The following EFNA5 variants were observed in gnomAD, a reference collection of about 807,000 sequenced individuals.
EFNA5 encodes the protein ephrin A5, also known as ephrin-A5.
In EFNA5, 5 loss-of-function variants were observed where a neutral mutation model predicts 22.9. That is an observed-to-expected ratio of 0.22 (90% CI 0.11 to 0.46). The LOEUF is 0.46. Ranked by LOEUF, EFNA5 falls within the 20% of genes least tolerant of loss-of-function variation. The pLI, the probability that EFNA5 is intolerant of heterozygous loss-of-function variation, is 0.99. For synonymous variants in EFNA5, 113 were observed against 112.2 expected (o/e 1.01, Z -0.04); for missense variants, 237 against 293.3 (o/e 0.81, Z 1.40).
chr5:107,509,577 C>T (rs930864912), intron 1 of EFNA5, among the ~76,000 whole-genome samples: 5 of 151,602 alleles, frequency 3.3e-5, no homozygotes, highest in Non-Finnish European at 5.9e-5. Context: ...GTGATCCGCC[C>T]GCCTTGGCCT....
Position 107,381,161 on chromosome 5 carries a change from A to G in EFNA5, c.*94T>C, listed in dbSNP as rs530360683. The G allele has an allele frequency of 1.1e-5, 16 of 1,476,728 alleles. No individual in the cohort carries two copies. In the South Asian group the frequency reaches 1.4e-4, roughly 13 times the overall value. 91.5% of individuals were successfully genotyped at this position (1,476,728 alleles called of 1,614,324 possible). Reference sequence around the variant, plus strand: ...AAAATCTGACATCTGCCAAAACCCAATAACAAGTCCCTTCTTAGGATGAGC... The same window carrying G: ...AAAATCTGACATCTGCCAAAACCCAGTAACAAGTCCCTTCTTAGGATGAGC... On this transcript the variant is annotated 3_prime_UTR_variant, in exon 5 of 5. Transcript: ENST00000333274.
chr5:107,484,695 G>T (rs757816659), intron 1 of EFNA5, among the ~76,000 whole-genome samples: 5 of 152,166 alleles, frequency 3.3e-5, no homozygotes, highest in Non-Finnish European at 7.3e-5. Flanking sequence ...AATTAAATAG[G>T]ATGGTGGTGA....
chr5:107,387,533 C>A (rs1747660580), intron 3 of EFNA5, among the ~76,000 whole-genome samples, 173 bp downstream of exon 3: 2 of 152,032 alleles, frequency 1.3e-5, no homozygotes, highest in Admixed American at 6.5e-5. Context: ...TAAGTAAAAG[C>A]ATCATGAAGA....
intron 1 of EFNA5, among the ~76,000 whole-genome samples, chr5:107,547,657 A>C (rs1055560556): frequency 3.3e-5 from 5 of 152,044 alleles, no homozygotes; most frequent in African/African-American, 1.2e-4. Context: ...AAAGACATTA[A>C]GTAGATTATA....
At chr5:107,389,373 C>G (rs537938819) in intron 2 of EFNA5, among the ~76,000 whole-genome samples, 1 of 152,270 alleles carries the variant, frequency 6.6e-6, no homozygotes, top group Admixed American at 6.5e-5. Flanking sequence ...ATAGGTGACT[C>G]CAATTCATTA....
At chr5:107,613,605 G>A (rs1008278463) in intron 1 of EFNA5, among the ~76,000 whole-genome samples, 1 of 152,002 alleles carries the variant, frequency 6.6e-6, no homozygotes, top group African/African-American at 2.4e-5. Context: ...AGTGCACCTT[G>A]AAGGAAATCA....
intron 1 of EFNA5, among the ~76,000 whole-genome samples, chr5:107,521,456 C>CTATATATATATA (rs56039409): frequency 2.0e-4 from 25 of 124,414 alleles, no homozygotes; most frequent in African/African-American, 7.6e-4. Context: ...CCACACCTGG[C>CTATATATATATA]TATATATATA....
chr5:107,570,054 C>T (rs1748761855), intron 1 of EFNA5, among the ~76,000 whole-genome samples: 1 of 152,118 alleles, frequency 6.6e-6, no homozygotes. Flanking sequence ...CCAAGACCTA[C>T]TTAAAAGCTG....
intron 1 of EFNA5, among the ~76,000 whole-genome samples, chr5:107,498,232 A>G (rs1424224616): frequency 3.9e-5 from 6 of 152,346 alleles, no homozygotes; most frequent in Admixed American, 3.3e-4. Context: ...TTATCTTTAT[A>G]TGGTACAGTG....
intron 1 of EFNA5, among the ~76,000 whole-genome samples, chr5:107,604,772 C>T (rs993726697): frequency 6.6e-6 from 1 of 152,046 alleles, no homozygotes; most frequent in Non-Finnish European, 1.5e-5. Context: ...AATGTTTAAG[C>T]GCCCTACATG....
rs367723299 is a variant in EFNA5, at chr5:107,471,603, C to T, written c.126-44094G>A. 9.2e-5 allele frequency among the ~76,000 whole-genome samples: 14 copies of T among 152,238 alleles called. No homozygotes were observed. The East Asian group carries it at 9.6e-4, about 10-fold the overall frequency. ...GTCAGTTGATGATAGAAACATTAAT[C>T]CTCCAACTGAATAATGTAGCCTGGA... On this transcript the variant is annotated intron_variant, in intron 1 of 4. Coordinates refer to ENST00000333274, the MANE Select transcript of EFNA5 (RefSeq NM_001962.3).
chr5:107,491,600 C>T (rs561696467), intron 1 of EFNA5, among the ~76,000 whole-genome samples: 7 of 152,244 alleles, frequency 4.6e-5, no homozygotes, highest in East Asian at 3.9e-4. Flanking sequence ...CATGAGCCAC[C>T]GCACCCAGAC....
intron 1 of EFNA5, among the ~76,000 whole-genome samples, chr5:107,569,381 A>ATATT (rs1554066999): frequency 6.9e-6 from 1 of 144,204 alleles, no homozygotes; most frequent in African/African-American, 2.6e-5. Context: ...ATATATATAT[A>ATATT]TTTTTATGTA....
intron 1 of EFNA5, among the ~76,000 whole-genome samples, chr5:107,455,877 G>A (rs947799483): frequency 1.6e-4 from 25 of 152,208 alleles, no homozygotes; most frequent in Admixed American, 6.5e-4. Context: ...GTTAGCATTA[G>A]CATATGTTGA....
intron 1 of EFNA5, among the ~76,000 whole-genome samples, chr5:107,479,262 A>C (rs1340211038): frequency 8.5e-5 from 1 of 11,758 alleles, no homozygotes; most frequent in Non-Finnish European, 1.5e-4. Flanking sequence ...TTAATGAAAC[A>C]CTTCTAACCC....
intron 1 of EFNA5, among the ~76,000 whole-genome samples, chr5:107,471,961 C>T (rs533799796): frequency 5.1e-4 from 78 of 152,240 alleles, no homozygotes; most frequent in African/African-American, 1.7e-3. Flanking sequence ...CATGTCCATA[C>T]GTTTTAGAAA....
intron 1 of EFNA5, among the ~76,000 whole-genome samples, chr5:107,535,469 A>AAT (rs1747912444): frequency 6.6e-6 from 1 of 152,198 alleles, no homozygotes; most frequent in Admixed American, 6.5e-5. Flanking sequence ...TAGAGTCAAA[A>AAT]ATAAAACAAA....
chr5:107,486,796 T>C (rs1746634648), intron 1 of EFNA5, among the ~76,000 whole-genome samples: 1 of 152,234 alleles, frequency 6.6e-6, no homozygotes, highest in Admixed American at 6.5e-5. Flanking sequence ...CCTGGGGCTG[T>C]TTGTTACTGC....
intron 4 of EFNA5, among the ~76,000 whole-genome samples, chr5:107,386,127 C>A (rs1335660749): frequency 1.2e-5 from 1 of 81,962 alleles, no homozygotes; most frequent in Non-Finnish European, 2.4e-5. Context: ...GTTTCTAGGA[C>A]CATAAGGAAG....
Sources: gnomAD v4.1 joint callset for allele counts (sites outside exome capture counted in the v4.1 genomes callset) on GRCh38, gnomAD v4.1.1 for gene constraint, MANE v1.5 for transcripts, NCBI Gene and HGNC (gene_info 2026-07-23, HGNC 2026-07-21) for gene names.